The following ART3 variants were observed in gnomAD, a reference collection of about 807,000 sequenced individuals.
The protein encoded by ART3 is ADP-ribosyltransferase 3 (inactive).
Under a neutral mutation model 48.5 loss-of-function variants are expected in ART3, and 49 were observed. That is an observed-to-expected ratio of 1.01 (90% CI 0.80 to 1.28). The LOEUF (loss-of-function observed/expected upper bound fraction) is 1.28, where lower values mean the gene tolerates loss of function less well. Ranked by LOEUF, ART3 falls within the 50% of genes most tolerant of loss-of-function variation. The pLI, the probability that ART3 is intolerant of heterozygous loss-of-function variation, is 0.00. For synonymous variants in ART3, 145 were observed against 157.2 expected (o/e 0.92, Z 0.58); for missense variants, 438 against 454.3 (o/e 0.96, Z 0.33).
chr4:76,071,391 A>C (rs1720304997), upstream of ART3, among the ~76,000 whole-genome samples: 1 of 150,768 alleles, frequency 6.6e-6, no homozygotes, highest in African/African-American at 2.4e-5. Context: ...AAATTCTTGG[A>C]CTCTCTTCTT....
intron 11 of ART3, 76 bp from the exon 12 acceptor site, chr4:76,112,310 T>C: frequency 6.7e-7 from 1 of 1,496,466 alleles, no homozygotes; most frequent in Non-Finnish European, 9.0e-7. Context: ...GTTTACATAT[T>C]CAGGATATAT....
At chr4:76,012,935 A>G (rs1358092052) in intron 1 of ART3, among the ~76,000 whole-genome samples, 2 of 152,184 alleles carry the variant, frequency 1.3e-5, no homozygotes, top group Non-Finnish European at 2.9e-5. Flanking sequence ...AAAAATCTTC[A>G]TTTACTGTTT....
chr4:76,104,250 C>T, intron 9 of ART3: 1 of 731,018 alleles, frequency 1.4e-6, no homozygotes, highest in African/African-American at 1.9e-5. Context: ...CAGTCCAACA[C>T]CTTCCAGGTT....
At chr4:76,084,400 G>A (rs1024981860) in intron 3 of ART3, among the ~76,000 whole-genome samples, 1 of 152,130 alleles carries the variant, frequency 6.6e-6, no homozygotes, top group Non-Finnish European at 1.5e-5. Flanking sequence ...TTGATTAATA[G>A]TTTATGTAGA....
At chr4:76,029,639 T>G (rs1305435653) in intron 1 of ART3, among the ~76,000 whole-genome samples, 1 of 152,214 alleles carries the variant, frequency 6.6e-6, no homozygotes, top group Non-Finnish European at 1.5e-5. Flanking sequence ...TCATAAAGAT[T>G]TATAATTGTT....
intron 1 of ART3, chr4:76,021,049 T>C (rs1465399035): frequency 6.6e-6 from 1 of 152,196 alleles, no homozygotes; most frequent in Non-Finnish European, 1.5e-5. Context: ...CTCCAGGCCA[T>C]AGATTTCTCC....
intron 1 of ART3, chr4:76,035,467 A>G: frequency 1.1e-6 from 1 of 880,636 alleles, no homozygotes; most frequent in Non-Finnish European, 1.7e-6. Flanking sequence ...GTCAAATAGC[A>G]CTTAACACAA....
intron 4 of ART3, 134 bp from the exon 5 acceptor site, chr4:76,098,821 A>G (rs1031931735): frequency 1.7e-5 from 12 of 702,514 alleles, no homozygotes; most frequent in Admixed American, 3.1e-5. Context: ...TATCTGTTAT[A>G]GTAACTGTAT....
intron 1 of ART3, chr4:76,075,379 C>T (rs1233153905): frequency 6.6e-6 from 1 of 152,528 alleles, no homozygotes; most frequent in African/African-American, 2.4e-5. Flanking sequence ...ACCTCATCAT[C>T]TCCTCTGTCC....
intron 1 of ART3, among the ~76,000 whole-genome samples, chr4:76,018,769 T>C (rs1051199307): frequency 5.9e-5 from 9 of 152,074 alleles, no homozygotes; most frequent in African/African-American, 1.9e-4. Context: ...GGCTCATGCC[T>C]ATAACCCCAG....
chr4:76,059,986 A>G (rs1170321351), intron 1 of ART3, among the ~76,000 whole-genome samples: 1 of 152,190 alleles, frequency 6.6e-6, no homozygotes, highest in Non-Finnish European at 1.5e-5. Context: ...CTACTTTCCT[A>G]TAGATGTCAA....
intron 1 of ART3, among the ~76,000 whole-genome samples, chr4:76,051,589 GA>G (rs1307598776): frequency 6.6e-6 from 1 of 152,188 alleles, no homozygotes; most frequent in African/African-American, 2.4e-5. Context: ...GCCCAGGCTG[GA>G]GTGCAATGGC....
intron 1 of ART3, among the ~76,000 whole-genome samples, chr4:76,039,202 C>T (rs1734726016): frequency 6.8e-6 from 1 of 148,084 alleles, no homozygotes; most frequent in Admixed American, 6.8e-5. Context: ...TGGGTTCAAG[C>T]GATTTTCTTG....
At chr4:76,065,922 T>C (rs1221610231) in intron 1 of ART3, among the ~76,000 whole-genome samples, 2 of 152,112 alleles carry the variant, frequency 1.3e-5, no homozygotes, top group African/African-American at 2.4e-5. Context: ...CTTAGTAGTC[T>C]GAAGGAAGGA....
At chr4:76,106,470 G>C in intron 10 of ART3, 1 of 562,072 alleles carries the variant, frequency 1.8e-6, no homozygotes, top group Non-Finnish European at 2.3e-6. Flanking sequence ...CTTTTTTACA[G>C]ACTAAGAGTT....
intron 9 of ART3, 93 bp downstream of exon 9, chr4:76,104,062 CATGA>C: frequency 7.4e-7 from 1 of 1,343,132 alleles, no homozygotes; most frequent in Non-Finnish European, 1.1e-6. Context: ...GACTATTATT[CATGA>C]ATATTTCCCT....
chr4:76,012,125 A>G (rs1478839641), intron 1 of ART3: 2 of 152,222 alleles, frequency 1.3e-5, no homozygotes, highest in African/African-American at 4.8e-5. Context: ...AAAGAACTTT[A>G]CAAAGCGGAA....
intron 2 of ART3, 125 bp from the exon 3 acceptor site, chr4:76,081,699 A>C: frequency 4.3e-6 from 4 of 919,720 alleles, no homozygotes; most frequent in South Asian, 1.7e-5. Flanking sequence ...AAACCTACCC[A>C]AAATTGGTTA....
At chr4:76,077,827 A>G (rs1350941341) in intron 2 of ART3, among the ~76,000 whole-genome samples, 1 of 152,208 alleles carries the variant, frequency 6.6e-6, no homozygotes, top group African/African-American at 2.4e-5. Context: ...GCAGTATATT[A>G]GGATTCTAAT....
Sources: gnomAD v4.1 joint callset for allele counts (sites outside exome capture counted in the v4.1 genomes callset) on GRCh38, gnomAD v4.1.1 for gene constraint, MANE v1.5 for transcripts, NCBI Gene and HGNC (gene_info 2026-07-23, HGNC 2026-07-21) for gene names.